PCDHA10: variants seen among roughly 807,000 people sequenced by gnomAD.
The protein encoded by PCDHA10 is protocadherin alpha-10.
In PCDHA10, 45 loss-of-function variants were observed where a neutral mutation model predicts 61.2. The ratio of observed to expected loss-of-function variants is 0.74; its 90% CI spans 0.58 to 0.94. The LOEUF is 0.94. PCDHA10 is among the 40% of genes least tolerant of loss of function. The pLI is 0.00. For missense variants in PCDHA10, 1,278 were observed against 1,236.2 expected (o/e 1.03, Z -0.51); for synonymous variants, 602 against 548.8 (o/e 1.10, Z -1.35).
At chr5:140,992,152 A>G (rs1440263664) in intron 3 of PCDHA10, among the ~76,000 whole-genome samples, 2 of 152,004 alleles carry the variant, frequency 1.3e-5, no homozygotes, top group Non-Finnish European at 2.9e-5. Context: ...ACTTTGCTCA[A>G]TCAAGAAGTG....
At chr5:140,954,653 T>C (rs1467846481) in intron 1 of PCDHA10, among the ~76,000 whole-genome samples, 3 of 152,244 alleles carry the variant, frequency 2.0e-5, no homozygotes, top group Admixed American at 6.5e-5. Flanking sequence ...TTAAGTTCCT[T>C]GTAGACTCTG....
At chr5:140,997,720 G>C (rs973128921) in intron 3 of PCDHA10, among the ~76,000 whole-genome samples, 1 of 151,568 alleles carries the variant, frequency 6.6e-6, no homozygotes, top group African/African-American at 2.4e-5. Flanking sequence ...ACCTTTCTAC[G>C]TCAGTACATA....
rs1310141347 is a variant in PCDHA10, at chr5:140,970,963, T to C, written c.2389-7986T>C. ...TGCTGAGAAACCATGGGAGGCAGAT[T>C]GTAGATTAAGAAAAATGGGGGAATA... On this transcript the variant is annotated intron_variant, in intron 1 of 3. Coordinates refer to ENST00000307360, the MANE Select transcript of PCDHA10 (RefSeq NM_018901.4). Among the ~76,000 whole-genome samples, 41 of 152,180 alleles carry C rather than the reference T, an allele frequency of 2.7e-4. 1 individual carries two copies. Among genetic ancestry groups the C allele is most frequent in the Admixed American group, 2.7e-3 (41 of 15,274 alleles).
intron 1 of PCDHA10, chr5:140,877,868 T>G: frequency 6.7e-7 from 1 of 1,488,916 alleles, no homozygotes; most frequent in Non-Finnish European, 8.9e-7. Context: ...TTAGATATAT[T>G]TGTTTCCTTG....
At chr5:140,877,946 C>G in intron 1 of PCDHA10, 1 of 1,349,558 alleles carries the variant, frequency 7.4e-7, no homozygotes, top group South Asian at 1.7e-5. Context: ...TTTAAACTAT[C>G]GAATGTCTCA....
chr5:140,945,947 ACCCTGAAAG>A (rs1554217229), intron 1 of PCDHA10, among the ~76,000 whole-genome samples: 1 of 152,132 alleles, frequency 6.6e-6, no homozygotes, highest in Admixed American at 6.5e-5. Flanking sequence ...TTTTTATATG[ACCCTGAAAG>A]CACAGGCAAT....
intron 1 of PCDHA10, among the ~76,000 whole-genome samples, chr5:140,949,007 A>T (rs1300926078): frequency 6.6e-6 from 1 of 151,692 alleles, no homozygotes; most frequent in Non-Finnish European, 1.5e-5. Flanking sequence ...TAATTTTTAT[A>T]TGTGATGTTT....
At chr5:140,911,258 T>C (rs265316) in intron 1 of PCDHA10, among the ~76,000 whole-genome samples, 87,913 of 151,980 alleles carry the variant, frequency 0.58, 26,381 homozygotes, top group African/African-American at 0.75. Flanking sequence ...TCAGAATTTA[T>C]AATCTCAGTG....
chr5:140,857,982 G>C lies in PCDHA10; in HGVS notation c.1934G>C (p.Arg645Pro), dbSNP rs782329809. The C allele has an allele frequency of 6.9e-6, 11 of 1,596,698 alleles. No individual in the cohort carries two copies. In the Admixed American group the frequency reaches 1.9e-4, roughly 27 times the overall value. Reference protein sequence around the residue: ...ALDETDSPRQRLLVLVKDHGE... With the variant: ...ALDETDSPRQPLLVLVKDHGE... ...GATGAGACTGACTCGCCACGCCAGC[G>C]CCTACTGGTGCTGGTGAAGGACCAT... The change falls in exon 1 of 4, where the codon CGC (arginine) becomes CCC (proline). Residue 645 changes from arginine to proline, a missense_variant. Transcript: ENST00000307360.
At chr5:140,909,169 A>G (rs545864609) in intron 1 of PCDHA10, among the ~76,000 whole-genome samples, 1 of 152,356 alleles carries the variant, frequency 6.6e-6, no homozygotes, top group African/African-American at 2.4e-5. Context: ...AAATCAATCA[A>G]GTTCTCTCCA....
chr5:140,873,098 T>C (rs1281569389), intron 1 of PCDHA10, among the ~76,000 whole-genome samples: 1 of 152,200 alleles, frequency 6.6e-6, no homozygotes, highest in Non-Finnish European at 1.5e-5. Flanking sequence ...TATAGAGGCA[T>C]AACATACCAT....
chr5:140,863,670 C>A (rs2048115377), intron 1 of PCDHA10: 1 of 292,680 alleles, frequency 3.4e-6, no homozygotes, highest in Admixed American at 4.6e-5. Context: ...ATTTATTTTG[C>A]TTTTGCTTTT....
At position 140,877,299 on chromosome 5, in the gene PCDHA10, C is replaced by A. The variant is rs374061607; in HGVS notation, c.2388+18863C>A. 1,401 of 1,613,926 alleles carry A rather than the reference C, an allele frequency of 8.7e-4. 20 individuals carry two copies. The South Asian group carries it at 0.013, about 15-fold the overall frequency. On this transcript the variant is annotated intron_variant, in intron 1 of 3. Transcript: ENST00000307360. ...CCGGCTATAACGCTTGGCTGTCCTA[C>A]GAGTTGCAACCGGCGGCGGTCGGCG...
At position 140,882,738 on chromosome 5, in the gene PCDHA10, C is replaced by T. The variant is rs1005115100; in HGVS notation, c.2388+24302C>T. 8.1e-6 allele frequency: 13 copies of T among 1,614,118 alleles called. No individual in the cohort carries two copies. The highest frequency in any genetic ancestry group is 1.3e-5 in the African/African-American group (1 of 74,942). ...GAAACTCGATTTCCACTAGATGGCG[C>T]ATCCGATGCAGATATTGGAGTAAAC... On this transcript the variant is annotated intron_variant, in intron 1 of 3. Transcript: ENST00000307360.
rs782537122 is a variant in PCDHA10 at position 140,875,892 on chromosome 5, A to G, written c.2388+17456A>G. On this transcript the variant is annotated intron_variant, in intron 1 of 3. Coordinates refer to ENST00000307360, the MANE Select transcript of PCDHA10 (RefSeq NM_018901.4). ...TGTTCAGAGAAAGGGAACAAAAGGTACCTGTTTCTGAATCTGCGCCTCTGG... is the reference window on the plus strand; with the variant it reads ...TGTTCAGAGAAAGGGAACAAAAGGTGCCTGTTTCTGAATCTGCGCCTCTGG... 9 of 1,614,044 alleles carry G rather than the reference A, an allele frequency of 5.6e-6. No homozygotes were observed. The African/African-American group carries it at 1.2e-4, about 22-fold the overall frequency.
At chr5:140,869,394 G>C (rs782128248) in intron 1 of PCDHA10, 1 of 1,614,196 alleles carries the variant, frequency 6.2e-7, no homozygotes, top group Non-Finnish European at 8.5e-7. Context: ...AGCTGTGCGG[G>C]CAGAGCGCGG....
intron 1 of PCDHA10, chr5:140,876,058 C>A (rs781906188): frequency 1.2e-6 from 2 of 1,613,750 alleles, no homozygotes; most frequent in African/African-American, 1.3e-5. Flanking sequence ...TGAATTAGTT[C>A]TTCGGAAGTT....
chr5:140,858,160 G>T lies in PCDHA10; in HGVS notation c.2112G>T (p.Ala704=). Residue 704 remains alanine, a synonymous_variant, in exon 1 of 4, where the codon GCG becomes GCT. Transcript: ENST00000307360. ...VNVYLIIAIC[A]VSSLLVLTLL... is the part of the protein sequence containing the mutation. ...TGTACCTGATCATCGCCATCTGCGC[G>T]GTGTCCAGCTTGCTGGTGCTCACGC... is the stretch of plus-strand genomic sequence containing the variant. The T allele has an allele frequency of 6.3e-7, 1 of 1,597,718 alleles. No homozygotes were observed. Among genetic ancestry groups the T allele is most frequent in the Non-Finnish European group, 8.6e-7 (1 of 1,167,506 alleles).
intron 1 of PCDHA10, chr5:140,876,005 T>C: frequency 6.2e-7 from 1 of 1,613,854 alleles, no homozygotes; most frequent in African/African-American, 1.3e-5. Context: ...AATGAGAATT[T>C]TGAGCTTAAA....
Sources: gnomAD v4.1 joint callset for allele counts (sites outside exome capture counted in the v4.1 genomes callset) on GRCh38, gnomAD v4.1.1 for gene constraint, MANE v1.5 for transcripts, NCBI Gene and HGNC (gene_info 2026-07-23, HGNC 2026-07-21) for gene names.